SIPA1L2: variants seen among roughly 807,000 people sequenced by gnomAD.
The protein encoded by SIPA1L2 is signal-induced proliferation-associated 1-like protein 2.
SIPA1L2 carries 56 observed loss-of-function variants against 163.9 expected under a neutral mutation model. The observed-to-expected ratio is 0.34, with a 90% confidence interval of 0.28 to 0.43. The LOEUF is 0.43. Ranked by LOEUF, SIPA1L2 falls within the 20% of genes least tolerant of loss-of-function variation. SIPA1L2 has a pLI of 1.00. For missense variants in SIPA1L2, 1,974 were observed against 2,193.5 expected (o/e 0.90, Z 2.00); for synonymous variants, 877 against 865.7 (o/e 1.01, Z -0.23).
chr1:232,516,112 T>C (rs983187017), intron 2 of SIPA1L2, among the ~76,000 whole-genome samples: 1 of 152,228 alleles, frequency 6.6e-6, no homozygotes, highest in African/African-American at 2.4e-5. Flanking sequence ...TTCAGTATTA[T>C]TAGTTTAGTT....
chr1:232,629,643 G>A (rs1223111061), intron 1 of SIPA1L2, among the ~76,000 whole-genome samples: 1 of 152,154 alleles, frequency 6.6e-6, no homozygotes, highest in Admixed American at 6.5e-5. Context: ...AGGCGGCGGC[G>A]GCTCCTCTTC....
At position 232,434,488 on chromosome 1, in the gene SIPA1L2, C is replaced by T. The variant is rs12032150; in HGVS notation, c.4032-2017G>A. On this transcript the variant is annotated intron_variant, in intron 15 of 22. Transcript: ENST00000674635. ...GTGCTAACTGTGGGTCTCGGGAAGA[C>T]GCTGCACTGCCTCTACAATGACATC... Among the ~76,000 whole-genome samples, 4,168 of 152,062 alleles carry T rather than the reference C, an allele frequency of 0.027. 523 individuals carry two copies. The East Asian group carries it at 0.4, about 15-fold the overall frequency.
intron 9 of SIPA1L2, chr1:232,462,142 T>A: frequency 8.0e-7 from 1 of 1,246,696 alleles, no homozygotes; most frequent in Non-Finnish European, 1.2e-6. Flanking sequence ...GTGGATTGCA[T>A]CCCACTTGGT....
intron 19 of SIPA1L2, among the ~76,000 whole-genome samples, chr1:232,414,361 C>T (rs1032700149): frequency 7.2e-5 from 11 of 152,126 alleles, no homozygotes; most frequent in Admixed American, 4.6e-4. Context: ...GCCTCCCTAA[C>T]GCATTACGCT....
intron 7 of SIPA1L2, among the ~76,000 whole-genome samples, chr1:232,477,491 C>T (rs1247308607): frequency 6.6e-6 from 1 of 152,174 alleles, no homozygotes; most frequent in Non-Finnish European, 1.5e-5. Context: ...CTGTTCTGGG[C>T]ACACAGGGAC....
intron 8 of SIPA1L2, among the ~76,000 whole-genome samples, chr1:232,466,027 C>G (rs1664494404): frequency 6.6e-6 from 1 of 152,080 alleles, no homozygotes; most frequent in African/African-American, 2.4e-5. Context: ...GCCGTTTAAG[C>G]CACCTAGCCT....
In SIPA1L2 at chr1:232,604,024, G is replaced by A. The variant is rs16857764; in HGVS notation, c.-319+25845C>T. Among the ~76,000 whole-genome samples the A allele has an allele frequency of 4.6e-3, 702 of 152,100 alleles. 3 individuals carry two copies. Among genetic ancestry groups the A allele is most frequent in the African/African-American group, 0.016 (679 of 41,490 alleles). Reference sequence around the variant, plus strand: ...TATGCTTTTTAAGACCTGCTGAATGGCATTTTTCAAACAAATCAACCTGAT... The same window carrying A: ...TATGCTTTTTAAGACCTGCTGAATGACATTTTTCAAACAAATCAACCTGAT... On this transcript the variant is annotated intron_variant, in intron 1 of 22. Transcript: ENST00000674635.
intron 2 of SIPA1L2, among the ~76,000 whole-genome samples, chr1:232,556,937 G>C (rs1573078106): frequency 6.6e-6 from 1 of 152,226 alleles, no homozygotes; most frequent in East Asian, 1.9e-4. Context: ...GTTGGACCAG[G>C]AGACACAGGC....
At chr1:232,537,487 A>AT (rs1235368544) in intron 2 of SIPA1L2, among the ~76,000 whole-genome samples, 4 of 152,094 alleles carry the variant, frequency 2.6e-5, no homozygotes, top group Non-Finnish European at 5.9e-5. Context: ...AATTCAAAAG[A>AT]TAAAAAAAAA....
chr1:232,556,547 G>A (rs10910557), intron 2 of SIPA1L2, among the ~76,000 whole-genome samples: 33,767 of 151,958 alleles, frequency 0.22, 4,211 homozygotes, highest in East Asian at 0.56. Flanking sequence ...CATAAACCCC[G>A]TTCAGATATG....
intron 18 of SIPA1L2, among the ~76,000 whole-genome samples, chr1:232,421,604 T>G (rs1231439989): frequency 6.6e-6 from 1 of 152,234 alleles, no homozygotes. Context: ...TGTTTGCAGA[T>G]GGATGGATAC....
At position 232,595,223 on chromosome 1, in the gene SIPA1L2, A is replaced by G. The variant is rs200186843; in HGVS notation, c.-318-21001T>C. Among the ~76,000 whole-genome samples, 5 of 152,296 alleles carry G rather than the reference A, an allele frequency of 3.3e-5. No homozygotes were observed. The East Asian group carries it at 9.6e-4, about 29-fold the overall frequency. ...GGCCCTCAGTGTCTTCCCAGTCACC[A>G]ACTCTCTCATGCATACAAAGAATAC... is the stretch of plus-strand genomic sequence containing the variant. On this transcript the variant is annotated intron_variant, in intron 1 of 22. Transcript: ENST00000674635.
rs1210581320 is a variant in SIPA1L2, at chr1:232,514,388, T to C, written c.952A>G (p.Arg318Gly). ...TGACAATTCCAAGGGCGAATGCCCCTCTCCAGTCGGCTCTCCTCCAGCTCA... is the reference window on the plus strand; with the variant it reads ...TGACAATTCCAAGGGCGAATGCCCCCCTCCAGTCGGCTCTCCTCCAGCTCA... ...TSELEESRLERGIRPWNCQRC... is the reference protein window; with the variant it reads ...TSELEESRLEGGIRPWNCQRC... Residue 318 changes from arginine (R) to glycine (G), a missense_variant, in exon 3 of 23, where the codon AGG becomes GGG. Coordinates refer to ENST00000674635, the MANE Select transcript of SIPA1L2 (RefSeq NM_020808.5). The C allele has an allele frequency of 6.2e-7, 1 of 1,613,980 alleles. No individual in the cohort carries two copies. Among genetic ancestry groups the C allele is most frequent in the South Asian group, 1.1e-5 (1 of 91,088 alleles).
At chr1:232,552,140 G>A (rs951271520) in intron 2 of SIPA1L2, among the ~76,000 whole-genome samples, 2 of 152,116 alleles carry the variant, frequency 1.3e-5, no homozygotes, top group African/African-American at 2.4e-5. Flanking sequence ...ACACCCGGCT[G>A]AGAATAGTAA....
chr1:232,575,608 G>A (rs1020496807), intron 1 of SIPA1L2, among the ~76,000 whole-genome samples: 1 of 151,914 alleles, frequency 6.6e-6, no homozygotes, highest in African/African-American at 2.4e-5. Context: ...GCATAATATA[G>A]TGGGTACCTA....
At chr1:232,431,544 G>A (rs1425247961) in intron 16 of SIPA1L2, among the ~76,000 whole-genome samples, 2 of 152,140 alleles carry the variant, frequency 1.3e-5, no homozygotes, top group East Asian at 1.9e-4. Context: ...TGACGCTATC[G>A]CAGGCAGGTA....
intron 2 of SIPA1L2, among the ~76,000 whole-genome samples, chr1:232,573,578 T>G (rs560560852): frequency 5.8e-4 from 89 of 152,326 alleles, no homozygotes; most frequent in Admixed American, 2.0e-3. Flanking sequence ...CAAGCCCATC[T>G]TATTTCCTGC....
At chr1:232,507,528 C>T (rs1385609653) in intron 3 of SIPA1L2, among the ~76,000 whole-genome samples, 1 of 152,208 alleles carries the variant, frequency 6.6e-6, no homozygotes, top group East Asian at 1.9e-4. Context: ...GGGACACTGA[C>T]TTAAACTCTT....
rs141732792 is a variant in SIPA1L2 at position 232,507,585 on chromosome 1, G to T, written c.1483+6272C>A. On this transcript the variant is annotated intron_variant, in intron 3 of 22. Coordinates refer to ENST00000674635, the MANE Select transcript of SIPA1L2 (RefSeq NM_020808.5). ...AAGTAAAGATTTCTTTACAAAAATGGACATTCACTAATGTATTTGGTAAGT... is the reference window on the plus strand; with the variant it reads ...AAGTAAAGATTTCTTTACAAAAATGTACATTCACTAATGTATTTGGTAAGT... 1.1e-3 allele frequency among the ~76,000 whole-genome samples: 168 copies of T among 152,294 alleles called. 1 individual carries two copies. The highest frequency in any genetic ancestry group is 2.1e-3 in the Non-Finnish European group (141 of 68,016).
Sources: allele counts gnomAD v4.1 joint callset (sites outside exome capture counted in the v4.1 genomes callset), GRCh38; gene constraint gnomAD v4.1.1; transcripts MANE v1.5; gene names NCBI Gene and HGNC (gene_info 2026-07-23, HGNC 2026-07-21).